The following SDCBP2 variants were observed in gnomAD, a reference collection of about 807,000 sequenced individuals.
SDCBP2 encodes syndecan binding protein 2.
Under a neutral mutation model 30.7 loss-of-function variants are expected in SDCBP2, and 28 were observed. The observed-to-expected ratio is 0.91, with a 90% CI of 0.68 to 1.25. SDCBP2 has a LOEUF of 1.25. Among genes scored for constraint, SDCBP2 ranks in the 50% most tolerant of loss-of-function variants. SDCBP2 has a pLI of 0.00. For synonymous variants in SDCBP2, 166 were observed against 157.3 expected (o/e 1.06, Z -0.41); for missense variants, 399 against 379.0 (o/e 1.05, Z -0.44).
rs2088834826 is a variant in SDCBP2, at chr20:1,320,300, C to T, written c.54+63G>A. 2 of 1,498,570 alleles carry T rather than the reference C, an allele frequency of 1.3e-6. No homozygotes were observed. Among genetic ancestry groups the T allele is most frequent in the Non-Finnish European group, 1.8e-6 (2 of 1,084,212 alleles). The allele number at this position is 1,498,570 out of a possible 1,614,324, so 92.8% of individuals were successfully genotyped here. A position where few individuals can be genotyped will look rare whatever the true frequency, so the allele number is the denominator to read the frequency against. ...TCCAAGTGGCCCCAGTACCCAGCAC[C>T]TTCCAGGGTAATCCCCAAGGTCCCC... On this transcript the variant is annotated intron_variant, in intron 2 of 8. Coordinates refer to ENST00000360779, the MANE Select transcript of SDCBP2 (RefSeq NM_080489.5). This position sits in a 1 kb window ranked among gnomAD's most constrained non-coding sequence, Gnocchi z 4.7.
At chr20:1,319,459 G>T in intron 3 of SDCBP2, 131 bp downstream of exon 3, 1 of 996,538 alleles carries the variant, frequency 1.0e-6, no homozygotes, top group Non-Finnish European at 1.5e-6. Flanking sequence ...TGGAAGCCTG[G>T]TCCTCTCTTC....
At position 1,318,344 on chromosome 20, in the gene SDCBP2, G is replaced by A. The variant is rs374819715; in HGVS notation, c.199C>T (p.Leu67=). ...CTGTCACCCTCTGGAATCTGAAGCA[G>A]GCTCTCCTGGACTTCTTGGCTGGAG... The part of the protein sequence containing the change: ...SLSSQEVQES[L]LQIPEGDSTA... Residue 67 remains leucine (L), a synonymous_variant, in exon 4 of 9, where the codon CTG becomes TTG. Coordinates refer to ENST00000360779, the MANE Select transcript of SDCBP2 (RefSeq NM_080489.5). 143 of 1,613,778 alleles carry A rather than the reference G, an allele frequency of 8.9e-5. No homozygotes were observed. In the African/African-American group the frequency reaches 1.7e-3, roughly 20 times the overall value.
At position 1,312,725 on chromosome 20, in the gene SDCBP2, G is replaced by A. The variant is rs556586233; in HGVS notation, c.422C>T (p.Ala141Val). The A allele has an allele frequency of 5.7e-5, 92 of 1,613,848 alleles. 2 individuals are homozygous for A. In the South Asian group the frequency reaches 9.9e-4, roughly 17 times the overall value. The change falls in exon 6 of 9, where the codon GCA becomes GTA. Residue 141 changes from alanine (A) to valine (V), a missense_variant. Ala to Val is a moderately conservative substitution (Grantham distance 64, BLOSUM62 0). Coordinates refer to ENST00000360779, the MANE Select transcript of SDCBP2 (RefSeq NM_080489.5). ...FVQLVQANTP[A>V]SLVGLRFGDQ... The stretch of plus-strand genomic sequence containing the variant: ...CCCAAAGCGCAGCCCCACAAGGGAT[G>A]CAGGGGTGTTGGCCTGGACCAACTG...
At position 1,320,599 on chromosome 20, in the gene SDCBP2, G is replaced by T; in HGVS notation, c.-19-164C>A. 1 of 564,592 alleles carries T rather than the reference G, an allele frequency of 1.8e-6. No individual in the cohort carries two copies. The highest frequency in any genetic ancestry group is 3.2e-6 in the Non-Finnish European group (1 of 314,564). The allele number at this position is 564,592 out of a possible 1,614,324, so 35.0% of individuals were successfully genotyped here. ...CGAACTCCACCCCTAATCCCCTGTCGATATTTGAACTCTACTGTATTCCAC... is the reference window on the plus strand; with the variant it reads ...CGAACTCCACCCCTAATCCCCTGTCTATATTTGAACTCTACTGTATTCCAC... On this transcript the variant is annotated intron_variant, in intron 1 of 8. Coordinates refer to ENST00000360779, the MANE Select transcript of SDCBP2 (RefSeq NM_080489.5). The surrounding 1 kb of genome is among the most constrained non-coding windows in gnomAD (Gnocchi z 4.7).
chr20:1,325,245 C>A (rs911614156), intron 1 of SDCBP2, among the ~76,000 whole-genome samples: 1 of 152,230 alleles, frequency 6.6e-6, no homozygotes, highest in South Asian at 2.1e-4. Flanking sequence ...CTTTCTTAGC[C>A]CCAAACCAGC....
At chr20:1,326,542 A>T (rs1008443429) in intron 1 of SDCBP2, among the ~76,000 whole-genome samples, 1 of 152,304 alleles carries the variant, frequency 6.6e-6, no homozygotes, top group East Asian at 1.9e-4. Context: ...AGAGTCATTC[A>T]TGCCTTCTCT....
intron 4 of SDCBP2, 115 bp downstream of exon 4, chr20:1,318,203 G>C: frequency 1.3e-6 from 1 of 768,252 alleles, no homozygotes; most frequent in Non-Finnish European, 2.4e-6. Context: ...CAGAGTGCTG[G>C]GGAGAGGGGA....
At chr20:1,323,907 C>T (rs2088882818) in intron 1 of SDCBP2, 1 of 152,044 alleles carries the variant, frequency 6.6e-6, no homozygotes, top group Non-Finnish European at 1.5e-5. Flanking sequence ...ATAGGAAAGG[C>T]ATACTGTATC....
At chr20:1,325,242 A>T (rs2088903151) in intron 1 of SDCBP2, among the ~76,000 whole-genome samples, 1 of 152,148 alleles carries the variant, frequency 6.6e-6, no homozygotes, top group Non-Finnish European at 1.5e-5. Context: ...CCCCTTTCTT[A>T]GCCCCAAACC....
chr20:1,310,316 A>T lies in SDCBP2; in HGVS notation c.*125T>A. On this transcript the variant is annotated 3_prime_UTR_variant, in exon 9 of 9. Transcript: ENST00000360779. ...CCATCCCATGGTCACCCTCCTGGACACGCCCCCCTCATGGCAGCCCCCACC... is the reference window on the plus strand; with the variant it reads ...CCATCCCATGGTCACCCTCCTGGACTCGCCCCCCTCATGGCAGCCCCCACC... 3.2e-6 allele frequency: 3 copies of T among 941,480 alleles called. No homozygotes were observed. Among genetic ancestry groups the T allele is most frequent in the South Asian group, 1.5e-5 (1 of 66,374 alleles). 58.3% of individuals were successfully genotyped at this position (941,480 alleles called of 1,614,324 possible).
intron 7 of SDCBP2, among the ~76,000 whole-genome samples, chr20:1,311,451 TAA>T (rs1432392450): frequency 2.0e-5 from 3 of 152,202 alleles, no homozygotes; most frequent in African/African-American, 4.8e-5. Flanking sequence ...AACAAGAAAT[TAA>T]AAGTCTCTAC....
At position 1,313,122 on chromosome 20, in the gene SDCBP2, G is replaced by A; in HGVS notation, c.384+218C>T. 1.6e-6 allele frequency: 1 copy of A among 607,120 alleles called. No homozygotes were observed. The highest frequency in any genetic ancestry group is 2.0e-5 in the South Asian group (1 of 50,042). The allele number at this position is 607,120 out of a possible 1,614,324, so 37.6% of individuals were successfully genotyped here. ...GGGAAGGGAGGCTCCTCCGAGCGAC[G>A]GAAGCCCACGGAGAGGCCAGTGGAG... On this transcript the variant is annotated intron_variant, in intron 5 of 8. Transcript: ENST00000360779. This position sits in a 1 kb window ranked among gnomAD's most constrained non-coding sequence, Gnocchi z 5.2.
In SDCBP2 at chr20:1,310,486, T is replaced by G; in HGVS notation, c.834A>C (p.Pro278=). 1 of 1,613,782 alleles carries G rather than the reference T, an allele frequency of 6.2e-7. No individual in the cohort carries two copies. Among genetic ancestry groups the G allele is most frequent in the Non-Finnish European group, 8.5e-7 (1 of 1,179,992 alleles). The change falls in exon 9 of 9, where the codon CCA becomes CCC. Residue 278 remains proline (P), a synonymous_variant. Transcript: ENST00000360779. ...GGTCCATGGTGTGGTGGAGCAGGAC[T>G]GGAGGCAACCTGGATACAGCAACAA... The part of the protein sequence containing the change: ...IYEHMVKKLP[P]VLLHHTMDHS...
At chr20:1,317,722 G>C in intron 4 of SDCBP2, 1 of 208,986 alleles carries the variant, frequency 4.8e-6, no homozygotes. Flanking sequence ...CCCAGCCTTA[G>C]ACAACTTTGC....
intron 3 of SDCBP2, 109 bp downstream of exon 3, chr20:1,319,481 A>G: frequency 8.6e-7 from 1 of 1,164,164 alleles, no homozygotes; most frequent in Non-Finnish European, 1.3e-6. Flanking sequence ...CACCATGTTG[A>G]GTCCTTAACC....
intron 2 of SDCBP2, among the ~76,000 whole-genome samples, chr20:1,319,998 G>A (rs1336733519): frequency 6.6e-6 from 1 of 152,202 alleles, no homozygotes; most frequent in Non-Finnish European, 1.5e-5. Flanking sequence ...GTGCTGGGAT[G>A]GAGGAGGAAG....
At chr20:1,315,986 C>T (rs2088771181) in intron 4 of SDCBP2, among the ~76,000 whole-genome samples, 1 of 152,128 alleles carries the variant, frequency 6.6e-6, no homozygotes, top group Non-Finnish European at 1.5e-5. Flanking sequence ...ACCTGTGGTC[C>T]CAGCTACTCG....
In SDCBP2 at chr20:1,313,010, C is replaced by A. The variant is rs2088703502; in HGVS notation, c.385-248G>T. ...CTGCACTCCGAAACACTCCACTGTA[C>A]CATTCACAAAGGCATGGGCTTCCCT... On this transcript the variant is annotated intron_variant, in intron 5 of 8. Coordinates refer to ENST00000360779, the MANE Select transcript of SDCBP2 (RefSeq NM_080489.5). The surrounding 1 kb of genome is among the most constrained non-coding windows in gnomAD (Gnocchi z 5.2). 3 of 592,754 alleles carry A rather than the reference C, an allele frequency of 5.1e-6. No homozygotes were observed. The highest frequency in any genetic ancestry group is 3.0e-5 in the Admixed American group (1 of 33,142). 36.7% of individuals were successfully genotyped at this position (592,754 alleles called of 1,614,324 possible).
In SDCBP2 at chr20:1,312,604, G is replaced by A. The variant is rs151023134; in HGVS notation, c.543C>T (p.Val181=). The change falls in exon 6 of 9, where the codon GTC becomes GTT. Residue 181 remains valine (V), a synonymous_variant. Transcript: ENST00000360779. ...VVKKASGDKI[V]VVVRDRPFQR... is the part of the protein sequence containing the mutation. ...CTACTCACCTGTCCCGAACCACCACGACAATCTTATCGCCTGATGCCTTCT... is the reference window on the plus strand; with the variant it reads ...CTACTCACCTGTCCCGAACCACCACAACAATCTTATCGCCTGATGCCTTCT... 4 of 1,613,820 alleles carry A rather than the reference G, an allele frequency of 2.5e-6. No individual in the cohort carries two copies. The highest frequency in any genetic ancestry group is 1.3e-5 in the African/African-American group (1 of 74,898).
Sources: allele counts gnomAD v4.1 joint callset (sites outside exome capture counted in the v4.1 genomes callset), GRCh38; gene constraint gnomAD v4.1.1; non-coding constraint Gnocchi (gnomAD v3.1); transcripts MANE v1.5; gene names NCBI Gene and HGNC (gene_info 2026-07-23, HGNC 2026-07-21).